The following SLIT3 variants were observed in gnomAD, a reference collection of about 807,000 sequenced individuals.
The protein encoded by SLIT3 is slit guidance ligand 3.
In SLIT3, 68 loss-of-function variants were observed where a neutral mutation model predicts 184.0. The observed-to-expected ratio is 0.37, with a 90% CI of 0.30 to 0.45. The LOEUF (loss-of-function observed/expected upper bound fraction) is 0.45, where lower values mean the gene tolerates loss of function less well. Ranked by LOEUF, SLIT3 falls within the 20% of genes least tolerant of loss-of-function variation. The probability of loss-of-function intolerance (pLI) is 1.00; values close to 1 mark genes in which losing one functional copy is unlikely to be tolerated. For missense variants in SLIT3, 1,707 were observed against 2,026.0 expected, an observed-to-expected ratio of 0.84 and a Z score of 3.02; for synonymous variants, 831 against 828.6, an observed-to-expected ratio of 1.00 and a Z score of -0.05.
intron 12 of SLIT3, 130 bp from the exon 13 acceptor site, chr5:168,774,508 G>A: frequency 1.0e-6 from 1 of 999,580 alleles, no homozygotes; most frequent in South Asian, 1.6e-5. Flanking sequence ...TCCTGCTGCA[G>A]AACAGAAAAA....
At chr5:168,715,756 T>A (rs1470465307) in intron 23 of SLIT3, among the ~76,000 whole-genome samples, 1 of 152,054 alleles carries the variant, frequency 6.6e-6, no homozygotes, top group Non-Finnish European at 1.5e-5. Flanking sequence ...CACTGCAACT[T>A]TTGCCTCTCC....
intron 4 of SLIT3, among the ~76,000 whole-genome samples, chr5:169,106,157 A>G (rs958353216): frequency 6.6e-6 from 1 of 152,180 alleles, no homozygotes; most frequent in East Asian, 1.9e-4. Flanking sequence ...GCACATGTTT[A>G]CCTGTGTAAC....
chr5:168,963,060 C>T (rs1763071035), intron 4 of SLIT3, among the ~76,000 whole-genome samples: 1 of 152,224 alleles, frequency 6.6e-6, no homozygotes, highest in South Asian at 2.1e-4. Flanking sequence ...TTGCTTTTTG[C>T]TTCTTTATTT....
chr5:168,716,125 G>A (rs549875876), intron 23 of SLIT3, among the ~76,000 whole-genome samples: 1 of 152,322 alleles, frequency 6.6e-6, no homozygotes, highest in African/African-American at 2.4e-5. Flanking sequence ...GCGCCAGCAT[G>A]CCCAGCTAAT....
intron 4 of SLIT3, among the ~76,000 whole-genome samples, chr5:168,884,288 G>C (rs1189582494): frequency 6.6e-6 from 1 of 151,348 alleles, no homozygotes; most frequent in African/African-American, 2.4e-5. Flanking sequence ...CTCCTTCCAG[G>C]CTGTTCCCGC....
At chr5:168,912,933 A>T (rs1188202484) in intron 4 of SLIT3, among the ~76,000 whole-genome samples, 1 of 152,066 alleles carries the variant, frequency 6.6e-6, no homozygotes. Flanking sequence ...GTTACAGCTC[A>T]TTCGGCTTAG....
intron 4 of SLIT3, among the ~76,000 whole-genome samples, chr5:168,991,136 A>C (rs1443162243): frequency 6.6e-6 from 1 of 152,210 alleles, no homozygotes; most frequent in Admixed American, 6.5e-5. Context: ...TCCCATCAAG[A>C]ATATCTAACT....
At chr5:168,861,857 A>C (rs565664465) in intron 5 of SLIT3, among the ~76,000 whole-genome samples, 1 of 152,346 alleles carries the variant, frequency 6.6e-6, no homozygotes, top group South Asian at 2.1e-4. Flanking sequence ...TAAACTGTTC[A>C]ACTTCTGAGG....
intron 5 of SLIT3, among the ~76,000 whole-genome samples, chr5:168,862,656 T>G (rs546015056): frequency 1.8e-4 from 24 of 135,696 alleles, no homozygotes; most frequent in Admixed American, 3.4e-4. Context: ...AGAACATTGG[T>G]TTTTTTGTTT....
chr5:169,244,228 G>A (rs759170169), intron 3 of SLIT3, among the ~76,000 whole-genome samples: 8 of 152,248 alleles, frequency 5.3e-5, no homozygotes, highest in African/African-American at 7.2e-5. Context: ...CGCGCTGAAG[G>A]CTGCGCCCAC....
intron 12 of SLIT3, among the ~76,000 whole-genome samples, chr5:168,782,228 G>A (rs1487336158): frequency 2.6e-5 from 4 of 152,102 alleles, no homozygotes; most frequent in Non-Finnish European, 4.4e-5. Context: ...ATTCCAGCCC[G>A]AAGACAGTCT....
At chr5:168,915,105 G>C (rs1333574761) in intron 4 of SLIT3, among the ~76,000 whole-genome samples, 6 of 152,076 alleles carry the variant, frequency 3.9e-5, no homozygotes, top group Non-Finnish European at 8.8e-5. Flanking sequence ...TAGTTAAAAG[G>C]GGGAGAATTC....
intron 4 of SLIT3, among the ~76,000 whole-genome samples, chr5:169,067,851 A>G (rs1758412768): frequency 6.6e-6 from 1 of 152,234 alleles, no homozygotes; most frequent in Admixed American, 6.5e-5. Flanking sequence ...CACAGCAAAG[A>G]AAAAGAGACA....
At chr5:169,278,151 T>C (rs568567319) in intron 1 of SLIT3, among the ~76,000 whole-genome samples, 58 of 152,236 alleles carry the variant, frequency 3.8e-4, no homozygotes, top group Admixed American at 1.7e-3. Flanking sequence ...TGACAGGATC[T>C]GGAACTCCCA....
At chr5:169,032,651 T>C (rs942229427) in intron 4 of SLIT3, among the ~76,000 whole-genome samples, 1 of 150,932 alleles carries the variant, frequency 6.6e-6, no homozygotes, top group African/African-American at 2.4e-5. Context: ...ATGGAGTCGA[T>C]CTGCTAGTTA....
At chr5:168,769,658 G>T (rs1456468838) in intron 14 of SLIT3, among the ~76,000 whole-genome samples, 1 of 152,164 alleles carries the variant, frequency 6.6e-6, no homozygotes. Context: ...ATGTGAGTTT[G>T]ATTAGGACCC....
intron 4 of SLIT3, among the ~76,000 whole-genome samples, chr5:168,952,148 T>A (rs1372421911): frequency 6.6e-6 from 1 of 152,144 alleles, no homozygotes; most frequent in East Asian, 1.9e-4. Context: ...AAGCCATGCA[T>A]CATGGGGCCG....
intron 28 of SLIT3, among the ~76,000 whole-genome samples, chr5:168,695,071 G>C (rs1762014384): frequency 6.6e-6 from 1 of 152,192 alleles, no homozygotes. Context: ...CTATGGGCTG[G>C]AGGCTTGATA....
At chr5:169,137,141 A>T in intron 4 of SLIT3, among the ~76,000 whole-genome samples, 1 of 152,118 alleles carries the variant, frequency 6.6e-6, no homozygotes, top group East Asian at 1.9e-4. Context: ...AAGACTCCTT[A>T]GATTCAGACC....
Sources: gnomAD v4.1 joint callset for allele counts (sites outside exome capture counted in the v4.1 genomes callset) on GRCh38, gnomAD v4.1.1 for gene constraint, MANE v1.5 for transcripts, NCBI Gene and HGNC (gene_info 2026-07-23, HGNC 2026-07-21) for gene names.